The following ZHX3 variants were observed in gnomAD, a reference collection of about 807,000 sequenced individuals.
ZHX3 encodes the protein zinc fingers and homeoboxes 3.
In ZHX3, 20 loss-of-function variants were observed where a neutral mutation model predicts 64.5. The observed-to-expected ratio is 0.31, with a 90% CI of 0.22 to 0.45. ZHX3 has a LOEUF of 0.45. ZHX3 is among the 20% of genes least tolerant of loss of function. The pLI, the probability that ZHX3 is intolerant of heterozygous loss-of-function variation, is 1.00. For synonymous variants in ZHX3, 423 were observed against 461.6 expected, an observed-to-expected ratio of 0.92 and a Z score of 1.07; for missense variants, 1,041 against 1,195.8, an observed-to-expected ratio of 0.87 and a Z score of 1.91.
At chr20:41,299,208 AT>A (rs2044690020) in intron 1 of ZHX3, among the ~76,000 whole-genome samples, 1 of 152,230 alleles carries the variant, frequency 6.6e-6, no homozygotes, top group African/African-American at 2.4e-5. Context: ...GGGCAGTCTT[AT>A]TCCATTTGAG....
At chr20:41,253,622 A>G (rs761881956) in intron 2 of ZHX3, among the ~76,000 whole-genome samples, 1 of 152,116 alleles carries the variant, frequency 6.6e-6, no homozygotes, top group African/African-American at 2.4e-5. Flanking sequence ...GGTAATGATA[A>G]TATCCTTCTA....
At position 41,182,803 on chromosome 20, in the gene ZHX3, G is replaced by A. The variant is rs1428766914; in HGVS notation, c.*2388C>T. On this transcript the variant is annotated 3_prime_UTR_variant, in exon 4 of 4. Coordinates refer to ENST00000683867, the MANE Select transcript of ZHX3 (RefSeq NM_001384317.1). This position sits in a 1 kb window ranked among gnomAD's most constrained non-coding sequence, Gnocchi z 6.1. ...CAGGCAGCACTGTACTTTTCCACCT[G>A]AAAGATGAGCTAGTGCCCATGGCTG... The A allele has an allele frequency of 6.6e-6, 1 of 152,274 alleles. No individual in the cohort carries two copies. Among genetic ancestry groups the A allele is most frequent in the Non-Finnish European group, 1.5e-5 (1 of 68,064 alleles). The allele number at this position is 152,274 out of a possible 1,614,324, so 9.4% of individuals were successfully genotyped here. A position where few individuals can be genotyped will look rare whatever the true frequency, so the allele number is the denominator to read the frequency against.
intron 2 of ZHX3, among the ~76,000 whole-genome samples, chr20:41,265,648 A>G (rs2146594533): frequency 6.6e-6 from 1 of 152,322 alleles, no homozygotes; most frequent in East Asian, 1.9e-4. Flanking sequence ...AAATTGTCTC[A>G]GAGTCTCTGA....
At chr20:41,262,040 G>A (rs1441101325) in intron 2 of ZHX3, among the ~76,000 whole-genome samples, 1 of 152,036 alleles carries the variant, frequency 6.6e-6, no homozygotes, top group Non-Finnish European at 1.5e-5. Context: ...CTCCTCTGAG[G>A]CATGCCCTAA....
chr20:41,227,782 C>A, intron 2 of ZHX3, among the ~76,000 whole-genome samples: 1 of 152,098 alleles, frequency 6.6e-6, no homozygotes, highest in East Asian at 1.9e-4. Flanking sequence ...TACATATTGG[C>A]TGGTTATTTG....
intron 2 of ZHX3, among the ~76,000 whole-genome samples, chr20:41,208,142 G>A (rs2038876409): frequency 6.6e-6 from 1 of 152,148 alleles, no homozygotes. Context: ...ACTAAACCAG[G>A]AAGAAGTTGA....
At chr20:41,253,595 C>T (rs2042095557) in intron 2 of ZHX3, among the ~76,000 whole-genome samples, 1 of 152,052 alleles carries the variant, frequency 6.6e-6, no homozygotes, top group African/African-American at 2.4e-5. Context: ...TGGGAAGGGA[C>T]ATGAGGAAAC....
At chr20:41,268,405 T>TA (rs1240501593) in intron 2 of ZHX3, among the ~76,000 whole-genome samples, 1 of 152,162 alleles carries the variant, frequency 6.6e-6, no homozygotes, top group East Asian at 1.9e-4. Flanking sequence ...AGTTTAGCAT[T>TA]AAAAAAAGTT....
chr20:41,235,359 G>C (rs1231825963), intron 2 of ZHX3, among the ~76,000 whole-genome samples: 1 of 152,152 alleles, frequency 6.6e-6, no homozygotes, highest in Non-Finnish European at 1.5e-5. Context: ...GAACATCGAT[G>C]CAAAAATCCT....
In ZHX3 at chr20:41,250,669, GACATAA is replaced by G. The variant is rs554599442; in HGVS notation, c.-151+18315_-151+18320del. Among the ~76,000 whole-genome samples the G allele has an allele frequency of 3.4e-4, 52 of 152,330 alleles. 1 individual carries two copies. Among genetic ancestry groups the G allele is most frequent in the Admixed American group, 3.4e-3 (52 of 15,300 alleles). On this transcript the variant is annotated intron_variant, in intron 2 of 3. Coordinates refer to ENST00000683867, the MANE Select transcript of ZHX3 (RefSeq NM_001384317.1). ...TGAAAATTCCCCAAATTTGCTGAAG[GACATAA>G]ACCTAGATTCAGAAGGTGAACATAT...
At chr20:41,282,478 C>T (rs2043735984) in intron 1 of ZHX3, among the ~76,000 whole-genome samples, 1 of 150,998 alleles carries the variant, frequency 6.6e-6, no homozygotes, top group South Asian at 2.1e-4. Flanking sequence ...CCTGCCTCAG[C>T]CTCCTGAGTA....
intron 2 of ZHX3, among the ~76,000 whole-genome samples, chr20:41,227,899 T>A (rs2146366350): frequency 6.6e-6 from 1 of 152,228 alleles, no homozygotes; most frequent in African/African-American, 2.4e-5. Flanking sequence ...ATAGAAAAGA[T>A]CCCCTAACTG....
intron 2 of ZHX3, among the ~76,000 whole-genome samples, chr20:41,222,855 T>C (rs1028340121): frequency 6.6e-6 from 1 of 150,982 alleles, no homozygotes; most frequent in African/African-American, 2.4e-5. Flanking sequence ...GTTTACAGGC[T>C]GAATAGCTTG....
chr20:41,292,894 A>C (rs1466668361), intron 1 of ZHX3, among the ~76,000 whole-genome samples: 1 of 152,262 alleles, frequency 6.6e-6, no homozygotes, highest in Admixed American at 6.5e-5. Flanking sequence ...AAAAGATACT[A>C]AGTATGTTGG....
At chr20:41,193,720 T>G (rs1006892984) in intron 3 of ZHX3, among the ~76,000 whole-genome samples, 20 of 151,970 alleles carry the variant, frequency 1.3e-4, no homozygotes, top group African/African-American at 4.1e-4. Context: ...TTTGTTTTTT[T>G]TTTTTGAGAA....
At chr20:41,229,083 CCT>C (rs932865988) in intron 2 of ZHX3, among the ~76,000 whole-genome samples, 15 of 152,258 alleles carry the variant, frequency 9.9e-5, no homozygotes, top group African/African-American at 3.6e-4. Flanking sequence ...CCTGCCCACC[CCT>C]GACTCCTGAC....
chr20:41,205,305 T>A (rs1202964054), intron 2 of ZHX3, among the ~76,000 whole-genome samples: 2 of 152,188 alleles, frequency 1.3e-5, no homozygotes, highest in African/African-American at 4.8e-5. Flanking sequence ...CGTATTTTTG[T>A]TTCTTCCCCA....
At chr20:41,266,901 G>C (rs2042888002) in intron 2 of ZHX3, among the ~76,000 whole-genome samples, 1 of 130,396 alleles carries the variant, frequency 7.7e-6, no homozygotes, top group Non-Finnish European at 1.6e-5. Flanking sequence ...TGTCCAGACT[G>C]GAGTGCCGTC....
intron 3 of ZHX3, among the ~76,000 whole-genome samples, chr20:41,187,762 A>G (rs767824676): frequency 4.9e-4 from 75 of 152,300 alleles, no homozygotes; most frequent in Non-Finnish European, 9.1e-4. Context: ...CTGAGATTCT[A>G]TATAAACTTT....
Sources: gnomAD v4.1 joint callset for allele counts (sites outside exome capture counted in the v4.1 genomes callset) on GRCh38, gnomAD v4.1.1 for gene constraint, Gnocchi (gnomAD v3.1) non-coding constraint, MANE v1.5 for transcripts, NCBI Gene and HGNC (gene_info 2026-07-23, HGNC 2026-07-21) for gene names.